SGCZ: variants seen among roughly 807,000 people sequenced by gnomAD.
SGCZ encodes zeta-sarcoglycan.
A neutral mutation model predicts 41.3 loss-of-function variants in SGCZ; 40 were observed. That is an observed-to-expected ratio of 0.97 (90% CI 0.75 to 1.26). The LOEUF is 1.26. Among genes scored for constraint, SGCZ ranks in the 50% most tolerant of loss-of-function variants. The probability of loss-of-function intolerance (pLI) is 0.00; values close to 1 mark genes in which losing one functional copy is unlikely to be tolerated. For missense variants in SGCZ, 552 were observed against 369.8 expected, an observed-to-expected ratio of 1.49 and a Z score of -4.04; for synonymous variants, 206 against 137.5, an observed-to-expected ratio of 1.50 and a Z score of -3.49.
chr8:15,185,106 T>C (rs1018595129), intron 1 of SGCZ, among the ~76,000 whole-genome samples: 2 of 152,148 alleles, frequency 1.3e-5, no homozygotes, highest in Non-Finnish European at 2.9e-5. Flanking sequence ...ATCTGTATAA[T>C]CATCAGGGCA....
intron 2 of SGCZ, among the ~76,000 whole-genome samples, chr8:14,445,115 C>G (rs1800394400): frequency 1.3e-5 from 2 of 152,122 alleles, no homozygotes; most frequent in Admixed American, 1.3e-4. Context: ...ATATCTTGAT[C>G]CAAAGGGAGA....
chr8:14,722,493 G>T (rs1294936306), intron 1 of SGCZ, among the ~76,000 whole-genome samples: 1 of 151,742 alleles, frequency 6.6e-6, no homozygotes, highest in East Asian at 1.9e-4. Context: ...TTCTTAATAT[G>T]TTGACATACT....
At chr8:14,254,114 T>G (rs17293820) in intron 3 of SGCZ, among the ~76,000 whole-genome samples, 29,684 of 152,130 alleles carry the variant, frequency 0.2, 3,061 homozygotes, top group East Asian at 0.28. Flanking sequence ...TGAAGACTTT[T>G]TAAACCATGA....
intron 4 of SGCZ, among the ~76,000 whole-genome samples, chr8:14,171,170 A>G (rs1172813026): frequency 2.0e-5 from 3 of 150,252 alleles, no homozygotes; most frequent in Non-Finnish European, 4.4e-5. Context: ...AAAAAAAACT[A>G]ACACCTCAGA....
chr8:15,129,426 A>G (rs1807818099), intron 1 of SGCZ, among the ~76,000 whole-genome samples: 1 of 152,174 alleles, frequency 6.6e-6, no homozygotes, highest in South Asian at 2.1e-4. Context: ...TCAAAGATCT[A>G]GAAAGTAACA....
chr8:14,986,828 T>C (rs140572962), intron 1 of SGCZ, among the ~76,000 whole-genome samples: 150 of 152,048 alleles, frequency 9.9e-4, no homozygotes, highest in African/African-American at 3.5e-3. Context: ...TCTATTTGAG[T>C]TTTCCATAAA....
chr8:14,417,181 T>C (rs1210812274), intron 2 of SGCZ, among the ~76,000 whole-genome samples: 3 of 151,898 alleles, frequency 2.0e-5, no homozygotes, highest in East Asian at 3.9e-4. Context: ...GGAAAGTAAT[T>C]GTAACATGGA....
chr8:15,063,701 G>A (rs540449540), intron 1 of SGCZ, among the ~76,000 whole-genome samples: 1 of 152,304 alleles, frequency 6.6e-6, no homozygotes, highest in South Asian at 2.1e-4. Context: ...CAGAAGACCA[G>A]TGAACCAGAA....
chr8:14,885,490 A>C (rs748011808), intron 1 of SGCZ, among the ~76,000 whole-genome samples: 1 of 152,154 alleles, frequency 6.6e-6, no homozygotes. Context: ...AAAATTCTCA[A>C]AACAAGAGGA....
At chr8:14,213,798 T>C (rs2117101860) in intron 4 of SGCZ, among the ~76,000 whole-genome samples, 2 of 152,218 alleles carry the variant, frequency 1.3e-5, no homozygotes, top group Middle Eastern at 6.8e-3. Flanking sequence ...TAAAAGATCA[T>C]GGGACCTAAA....
intron 1 of SGCZ, among the ~76,000 whole-genome samples, chr8:14,567,319 G>C (rs1032838159): frequency 1.3e-5 from 2 of 152,194 alleles, no homozygotes; most frequent in African/African-American, 4.8e-5. Flanking sequence ...GTGGGGACTT[G>C]GAGAATCTTT....
intron 2 of SGCZ, among the ~76,000 whole-genome samples, chr8:14,413,958 C>T (rs993588338): frequency 3.3e-5 from 5 of 151,910 alleles, no homozygotes; most frequent in African/African-American, 1.2e-4. Context: ...AGACTGGTTC[C>T]TTCTCCTATT....
intron 1 of SGCZ, among the ~76,000 whole-genome samples, chr8:14,743,089 G>T (rs575689895): frequency 6.6e-6 from 1 of 152,074 alleles, no homozygotes; most frequent in South Asian, 2.1e-4. Context: ...AGTTAAAAAA[G>T]TATGCACAAT....
At chr8:14,502,060 T>C (rs1802171708) in intron 2 of SGCZ, among the ~76,000 whole-genome samples, 1 of 152,116 alleles carries the variant, frequency 6.6e-6, no homozygotes, top group Non-Finnish European at 1.5e-5. Context: ...TAATAAGTGG[T>C]AACAAATTCT....
chr8:15,036,500 C>A (rs1803882662), intron 1 of SGCZ, among the ~76,000 whole-genome samples: 1 of 151,912 alleles, frequency 6.6e-6, no homozygotes, highest in African/African-American at 2.4e-5. Flanking sequence ...CAACAAACCC[C>A]CATGATACAT....
chr8:14,190,014 C>CTTTTT (rs71304966), intron 4 of SGCZ, among the ~76,000 whole-genome samples: 62,981 of 99,524 alleles, frequency 0.63, 19,186 homozygotes, highest in South Asian at 0.79. Flanking sequence ...TTCTTTCTTT[C>CTTTTT]TTTTTTTTTT....
chr8:15,232,470 T>C (rs539464689), intron 1 of SGCZ, among the ~76,000 whole-genome samples: 1 of 152,094 alleles, frequency 6.6e-6, no homozygotes, highest in East Asian at 1.9e-4. Flanking sequence ...TTTGTCCAAC[T>C]TCCCACAAAT....
chr8:14,745,907 A>G (rs1799327717), intron 1 of SGCZ, among the ~76,000 whole-genome samples: 1 of 151,528 alleles, frequency 6.6e-6, no homozygotes, highest in Non-Finnish European at 1.5e-5. Flanking sequence ...ACCCAAACAG[A>G]TTTTTTTTTA....
intron 2 of SGCZ, among the ~76,000 whole-genome samples, chr8:14,453,320 A>G (rs11775369): frequency 6.6e-6 from 1 of 152,086 alleles, no homozygotes; most frequent in Non-Finnish European, 1.5e-5. Context: ...TTTAAAGTCA[A>G]TAATTTCTTT....
Sources: gnomAD v4.1 joint callset for allele counts (sites outside exome capture counted in the v4.1 genomes callset) on GRCh38, gnomAD v4.1.1 for gene constraint, MANE v1.5 for transcripts, NCBI Gene and HGNC (gene_info 2026-07-23, HGNC 2026-07-21) for gene names.